Variants in MYG1 observed in about 807,000 individuals in gnomAD.
The protein encoded by MYG1 is MYG1 exonuclease, also known as UPF0160 protein MYG1, mitochondrial.
MYG1 carries 36 observed loss-of-function variants against 43.5 expected under a neutral mutation model. The ratio of observed to expected loss-of-function variants is 0.83; its 90% CI spans 0.63 to 1.09. The LOEUF (loss-of-function observed/expected upper bound fraction) is 1.09, where lower values mean the gene tolerates loss of function less well. MYG1 is among the 50% of genes least tolerant of loss of function. The probability of loss-of-function intolerance (pLI) is 0.00; values close to 1 mark genes in which losing one functional copy is unlikely to be tolerated. For synonymous variants in MYG1, 220 were observed against 202.8 expected, an observed-to-expected ratio of 1.08 and a Z score of -0.72; for missense variants, 529 against 495.1, an observed-to-expected ratio of 1.07 and a Z score of -0.65.
chr12:53,299,905 C>A lies in MYG1; in HGVS notation c.168C>A (p.Cys56Ter), dbSNP rs1180301930. ...RIGTHNGTFH[C>*]DEALACALLR... ...GGACGCACAATGGCACCTTCCACTG[C>A]GACGAGGCACTGGCATGCGCACTGC... is the stretch of plus-strand genomic sequence containing the variant. The change falls in exon 1 of 7, where the codon TGC (cysteine) becomes TGA (stop). Residue 56 changes from cysteine (C) to a stop codon, truncating the protein, a stop_gained. Transcript: ENST00000267103. LOFTEE classifies it high-confidence loss of function. 1.2e-6 allele frequency: 2 copies of A among 1,614,216 alleles called. No homozygotes were observed. Among genetic ancestry groups the A allele is most frequent in the Non-Finnish European group, 1.7e-6 (2 of 1,180,038 alleles).
chr12:53,306,114 A>G, intron 4 of MYG1, 54 bp downstream of exon 4: 1 of 1,607,350 alleles, frequency 6.2e-7, no homozygotes, highest in East Asian at 2.2e-5. Context: ...GGGTGGGGGG[A>G]AAATGGGAGC....
At chr12:53,302,389 A>G (rs1245444051) in intron 2 of MYG1, among the ~76,000 whole-genome samples, 1 of 152,142 alleles carries the variant, frequency 6.6e-6, no homozygotes, top group Non-Finnish European at 1.5e-5. Flanking sequence ...TGCTTCCCTA[A>G]CATCTGTTAT....
Position 53,299,789 on chromosome 12 carries a change from C to T in MYG1, c.52C>T (p.Pro18Ser), listed in dbSNP as rs1944208361. The change falls in exon 1 of 7, where the codon CCC becomes TCC. Residue 18 changes from proline (P) to serine (S), a missense_variant. Physicochemically the swap from Pro to Ser is moderately conservative, Grantham distance 74. Coordinates refer to ENST00000267103, the MANE Select transcript of MYG1 (RefSeq NM_021640.4). ...GLLTLLLPPP[P>S]LYTRHRMLGP... ...CTTAACGCTGCTGCTGCCGCCGCCA[C>T]CCCTGTATACCCGGCACCGCATGCT... 1.2e-6 allele frequency: 2 copies of T among 1,613,918 alleles called. No individual in the cohort carries two copies. The highest frequency in any genetic ancestry group is 1.7e-5 in the Admixed American group (1 of 60,008).
At chr12:53,300,411 C>G (rs1353340261) in intron 2 of MYG1, 149 bp downstream of exon 2, 2 of 599,964 alleles carry the variant, frequency 3.3e-6, no homozygotes, top group South Asian at 5.2e-5. Context: ...ATCATCCTTC[C>G]GGCCCTGCCT....
In MYG1 at chr12:53,306,002, T is replaced by A. The variant is rs775772521; in HGVS notation, c.584T>A (p.Leu195Gln). The A allele has an allele frequency of 3.7e-6, 6 of 1,614,140 alleles. No individual in the cohort carries two copies. The highest frequency in any genetic ancestry group is 4.2e-6 in the Non-Finnish European group (5 of 1,180,006). The change falls in exon 4 of 7, where the codon CTG becomes CAG. Residue 195 changes from leucine to glutamine, a missense_variant. Leu to Gln is a moderately radical substitution (Grantham distance 113). Coordinates refer to ENST00000267103, the MANE Select transcript of MYG1 (RefSeq NM_021640.4). ...CCTCGATATGCACTGACCACTACCCTGAGTGCACGAGTTGCTCGACTTAAT... is the reference window on the plus strand; with the variant it reads ...CCTCGATATGCACTGACCACTACCCAGAGTGCACGAGTTGCTCGACTTAAT... ...GEPRYALTTT[L>Q]SARVARLNPT...
intron 2 of MYG1, among the ~76,000 whole-genome samples, chr12:53,300,696 AG>A (rs112847001): frequency 0.019 from 2,847 of 152,274 alleles, 97 homozygotes; most frequent in African/African-American, 0.066. Flanking sequence ...TTCTTGCTCA[AG>A]GGTAGCCCAT....
In MYG1 at chr12:53,299,794, G is replaced by T; in HGVS notation, c.57G>T (p.Leu19=). Residue 19 remains leucine, a synonymous_variant, in exon 1 of 7, where the codon CTG becomes CTT. Transcript: ENST00000267103. ...CGCTGCTGCTGCCGCCGCCACCCCT[G>T]TATACCCGGCACCGCATGCTCGGTC... is the stretch of plus-strand genomic sequence containing the variant. ...LLTLLLPPPP[L]YTRHRMLGPE... is the part of the protein sequence containing the mutation. 1 of 1,614,006 alleles carries T rather than the reference G, an allele frequency of 6.2e-7. No homozygotes were observed. Among genetic ancestry groups the T allele is most frequent in the Non-Finnish European group, 8.5e-7 (1 of 1,179,956 alleles).
intron 2 of MYG1, 77 bp downstream of exon 2, chr12:53,300,339 C>A: frequency 9.2e-7 from 1 of 1,087,918 alleles, no homozygotes; most frequent in South Asian, 1.7e-5. Flanking sequence ...CATCCACTGC[C>A]GTAGTCCGCG....
At chr12:53,300,719 T>C (rs954036379) in intron 2 of MYG1, among the ~76,000 whole-genome samples, 1 of 152,064 alleles carries the variant, frequency 6.6e-6, no homozygotes, top group Non-Finnish European at 1.5e-5. Context: ...CCAATCCTTT[T>C]CTTCTCCCTC....
At chr12:53,301,695 T>C (rs1339492865) in intron 2 of MYG1, among the ~76,000 whole-genome samples, 1 of 152,224 alleles carries the variant, frequency 6.6e-6, no homozygotes, top group African/African-American at 2.4e-5. Context: ...CTTCCTTTTA[T>C]CAAATTGTTT....
At chr12:53,305,817 GAA>G in intron 3 of MYG1, 89 bp from the exon 4 acceptor site, 1 of 1,468,240 alleles carries the variant, frequency 6.8e-7, no homozygotes, top group Non-Finnish European at 9.1e-7. Context: ...TCACAGGGCT[GAA>G]AGAGTGTGTA....
In MYG1 at chr12:53,303,074, C is replaced by A; in HGVS notation, c.370C>A (p.Pro124Thr). 3 of 1,613,842 alleles carry A rather than the reference C, an allele frequency of 1.9e-6. No homozygotes were observed. Among genetic ancestry groups the A allele is most frequent in the Admixed American group, 3.3e-5 (2 of 59,982 alleles). ...ETMSSLSPGK[P>T]WQTKLSSAGL... ...CATGAGCTCCCTGTCCCCTGGGAAG[C>A]CGTGGCAGACCAAGCTGAGCAGTGC... Residue 124 changes from proline to threonine, a missense_variant, in exon 3 of 7, where the codon CCG (proline) becomes ACG (threonine). Physicochemically the swap from Pro to Thr is conservative, Grantham distance 38. Coordinates refer to ENST00000267103, the MANE Select transcript of MYG1 (RefSeq NM_021640.4).
At position 53,306,812 on chromosome 12, in the gene MYG1, C is replaced by T. The variant is rs1801674; in HGVS notation, c.898C>T (p.Gln300Ter). 3 of 1,614,170 alleles carry T rather than the reference C, an allele frequency of 1.9e-6. No individual in the cohort carries two copies. The highest frequency in any genetic ancestry group is 2.5e-6 in the Non-Finnish European group (3 of 1,179,998). The change falls in exon 6 of 7, where the codon CAG (glutamine) becomes TAG (stop). Residue 300 changes from glutamine (Q) to a stop codon, truncating the protein, a stop_gained. Transcript: ENST00000267103. LOFTEE classifies it high-confidence loss of function. Reference sequence around the variant, plus strand: ...TGTTATCTACACTGACCAGGCTGGACAGTGGCGAATACAGTGTGTGCCCAA... The same window carrying T: ...TGTTATCTACACTGACCAGGCTGGATAGTGGCGAATACAGTGTGTGCCCAA... Reference protein sequence around the residue: ...FFVIYTDQAGQWRIQCVPKEP... With the variant: ...FFVIYTDQAG
At chr12:53,305,827 G>T (rs1252521028) in intron 3 of MYG1, 81 bp from the exon 4 acceptor site, 1 of 1,498,516 alleles carries the variant, frequency 6.7e-7, no homozygotes, top group Non-Finnish European at 9.0e-7. Flanking sequence ...GAAAGAGTGT[G>T]TATGAACATA....
At chr12:53,301,111 G>A (rs1348856251) in intron 2 of MYG1, among the ~76,000 whole-genome samples, 2 of 151,928 alleles carry the variant, frequency 1.3e-5, no homozygotes, top group Non-Finnish European at 2.9e-5. Flanking sequence ...GTAGAGACGG[G>A]TTTCACCATA....
Position 53,300,147 on chromosome 12 carries a change from C to A in MYG1, c.217-3C>A. On this transcript the variant is annotated splice_region_variant and splice_polypyrimidine_tract_variant and intron_variant, in intron 1 of 6. Transcript: ENST00000267103. ...AGCCCCTTCACCCCTGTGTACCTCG[C>A]AGGATGCAGAGATTGTGCGGACCCG... 6.3e-7 allele frequency: 1 copy of A among 1,593,096 alleles called. No homozygotes were observed. Among genetic ancestry groups the A allele is most frequent in the Non-Finnish European group, 8.6e-7 (1 of 1,168,372 alleles).
intron 2 of MYG1, among the ~76,000 whole-genome samples, chr12:53,301,757 C>T (rs1944234353): frequency 6.6e-6 from 1 of 151,050 alleles, no homozygotes; most frequent in Middle Eastern, 3.5e-3. Context: ...GATGTGATCT[C>T]GACTCACTGC....
intron 6 of MYG1, 25 bp downstream of exon 6, chr12:53,306,886 C>G: frequency 6.2e-7 from 1 of 1,608,768 alleles, no homozygotes; most frequent in Non-Finnish European, 8.5e-7. Context: ...AACCACTCTG[C>G]AGACCTTCAG....
chr12:53,305,291 A>G (rs1944265066), intron 3 of MYG1, among the ~76,000 whole-genome samples: 1 of 152,130 alleles, frequency 6.6e-6, no homozygotes, highest in Non-Finnish European at 1.5e-5. Context: ...ACTGTTATGG[A>G]GGCCTATTTT....
Sources: allele counts gnomAD v4.1 joint callset (sites outside exome capture counted in the v4.1 genomes callset), GRCh38; gene constraint gnomAD v4.1.1; transcripts MANE v1.5; gene names NCBI Gene and HGNC (gene_info 2026-07-23, HGNC 2026-07-21).